Variants in SLC16A14 observed in about 807,000 individuals in gnomAD.
SLC16A14 encodes monocarboxylate transporter 14.
A neutral mutation model predicts 35.8 loss-of-function variants in SLC16A14; 14 were observed. The observed-to-expected ratio is 0.39, with a 90% CI of 0.26 to 0.61. SLC16A14 has a LOEUF of 0.61. Ranked by LOEUF, SLC16A14 falls within the 20% of genes least tolerant of loss-of-function variation. The pLI, the probability that SLC16A14 is intolerant of heterozygous loss-of-function variation, is 0.51. For synonymous variants in SLC16A14, 248 were observed against 258.9 expected (o/e 0.96, Z 0.40); for missense variants, 533 against 655.0 (o/e 0.81, Z 2.03).
At chr2:230,065,772 C>T (rs1404036169) in intron 1 of SLC16A14, among the ~76,000 whole-genome samples, 1 of 151,864 alleles carries the variant, frequency 6.6e-6, no homozygotes, top group Non-Finnish European at 1.5e-5. Flanking sequence ...TAATTATATA[C>T]ATGTATAATT....
At chr2:230,057,875 A>C (rs2077718363) in intron 2 of SLC16A14, among the ~76,000 whole-genome samples, 1 of 152,044 alleles carries the variant, frequency 6.6e-6, no homozygotes, top group African/African-American at 2.4e-5. Flanking sequence ...AAAAATACAA[A>C]AAAATTAGCC....
rs556715743 is a variant in SLC16A14 at position 230,061,586 on chromosome 2, A to G, written c.-14-2220T>C. Among the ~76,000 whole-genome samples the G allele has an allele frequency of 1.0e-3, 159 of 152,216 alleles. 1 individual carries two copies. Among genetic ancestry groups the G allele is most frequent in the African/African-American group, 3.5e-3 (144 of 41,550 alleles). On this transcript the variant is annotated intron_variant, in intron 1 of 4. Coordinates refer to ENST00000295190, the MANE Select transcript of SLC16A14 (RefSeq NM_152527.5). ...TTGTCCAGAAAAAGAACCAGATCTC[A>G]AGTCACTTCACTTGTGTCACTCTAT...
In SLC16A14 at chr2:230,043,409, G is replaced by C. The variant is rs1352187683; in HGVS notation, c.1381+2336C>G. Reference sequence around the variant, plus strand: ...TGCCAGTGGGGGGTCTTAAGGGAGAGGGTGACTTTATGACTTACAGAAAGA... The same window carrying C: ...TGCCAGTGGGGGGTCTTAAGGGAGACGGTGACTTTATGACTTACAGAAAGA... On this transcript the variant is annotated intron_variant, in intron 4 of 4. Transcript: ENST00000295190. 3.3e-5 allele frequency among the ~76,000 whole-genome samples: 5 copies of C among 152,354 alleles called. No individual in the cohort carries two copies. In the East Asian group the frequency reaches 9.6e-4, roughly 29 times the overall value.
chr2:230,062,512 C>G (rs575985723), intron 1 of SLC16A14, among the ~76,000 whole-genome samples: 46 of 152,156 alleles, frequency 3.0e-4, no homozygotes, highest in African/African-American at 1.1e-3. Flanking sequence ...CCACAACTGG[C>G]TAATTTAAAA....
intron 1 of SLC16A14, among the ~76,000 whole-genome samples, chr2:230,061,778 G>C (rs898177602): frequency 7.0e-6 from 1 of 142,988 alleles, no homozygotes; most frequent in African/African-American, 2.6e-5. Flanking sequence ...GTGTTGCTCT[G>C]TCACCCAGGC....
rs559322264 is a variant in SLC16A14, at chr2:230,058,374, T to G, written c.259+720A>C. On this transcript the variant is annotated intron_variant, in intron 2 of 4. Coordinates refer to ENST00000295190, the MANE Select transcript of SLC16A14 (RefSeq NM_152527.5). ...CCAAATGTTTAAAATATTTAAATTG[T>G]TATATCACACAAGAGACAAGAGGAC... is the stretch of plus-strand genomic sequence containing the variant. 4 of 152,288 alleles carry G rather than the reference T, an allele frequency of 2.6e-5. No homozygotes were observed. The East Asian group carries it at 7.7e-4, about 29-fold the overall frequency. The allele number at this position is 152,288 out of a possible 1,614,324, so 9.4% of individuals were successfully genotyped here.
rs145106633 is a variant in SLC16A14, at chr2:230,059,951, T to C, written c.-14-585A>G. Among the ~76,000 whole-genome samples, 107 of 152,276 alleles carry C rather than the reference T, an allele frequency of 7.0e-4. 1 individual carries two copies. The highest frequency in any genetic ancestry group is 3.4e-3 in the Middle Eastern group (1 of 294). The stretch of plus-strand genomic sequence containing the variant: ...AGGAGAGACTGATAAGTCCAATTGA[T>C]TACAATGAAAGACATAGCTTTCTAA... On this transcript the variant is annotated intron_variant, in intron 1 of 4. Transcript: ENST00000295190.
intron 2 of SLC16A14, among the ~76,000 whole-genome samples, chr2:230,053,335 A>G (rs2077677859): frequency 6.6e-6 from 1 of 152,182 alleles, no homozygotes; most frequent in African/African-American, 2.4e-5. Context: ...CTCACAATCT[A>G]AGGAGAAGGG....
At position 230,046,502 on chromosome 2, in the gene SLC16A14, G is replaced by A; in HGVS notation, c.624C>T (p.Leu208=). 6.2e-7 allele frequency: 1 copy of A among 1,614,138 alleles called. No individual in the cohort carries two copies. Among genetic ancestry groups the A allele is most frequent in the Non-Finnish European group, 8.5e-7 (1 of 1,180,016 alleles). The change falls in exon 4 of 5, where the codon CTC becomes CTT. Residue 208 remains leucine (L), a synonymous_variant. Coordinates refer to ENST00000295190, the MANE Select transcript of SLC16A14 (RefSeq NM_152527.5). The surrounding 1 kb of genome is among the most constrained non-coding windows in gnomAD (Gnocchi z 5.0). ...VSLNLCVCGA[L]MRPLSPGKNP... is the part of the protein sequence containing the mutation. The stretch of plus-strand genomic sequence containing the variant: ...TTTTACCAGGAGAGAGGGGCCTCAT[G>A]AGCGCCCCACAAACACACAGGTTTA...
intron 4 of SLC16A14, among the ~76,000 whole-genome samples, chr2:230,042,484 C>G (rs1006590662): frequency 6.6e-6 from 1 of 152,128 alleles, no homozygotes; most frequent in African/African-American, 2.4e-5. Context: ...CCATTGAAAT[C>G]TGACAGATCA....
chr2:230,037,054 A>T lies in SLC16A14; in HGVS notation c.*326T>A, dbSNP rs532385573. On this transcript the variant is annotated 3_prime_UTR_variant, in exon 5 of 5. Coordinates refer to ENST00000295190, the MANE Select transcript of SLC16A14 (RefSeq NM_152527.5). ...GCTTTTATTCCCTGTTTTTGTTTTT[A>T]AAAGCTGTATTTAAAACCCTAGTCC... 164 of 166,270 alleles carry T rather than the reference A, an allele frequency of 9.9e-4. 3 individuals are homozygous for T. The highest frequency in any genetic ancestry group is 3.6e-3 in the Admixed American group (57 of 15,726). The allele number at this position is 166,270 out of a possible 1,614,324, so 10.3% of individuals were successfully genotyped here.
chr2:230,046,644 TGGGC>T lies in SLC16A14; in HGVS notation c.478_481del (p.Ala160ArgfsTer14). 1.2e-6 allele frequency: 2 copies of T among 1,609,610 alleles called. No homozygotes were observed. Among genetic ancestry groups the T allele is most frequent in the Non-Finnish European group, 1.7e-6 (2 of 1,180,022 alleles). ...TCCGGTCCCCGTGGTGCTGAGGCCC[TGGGC>T]GAGGGCGCGTCTCTTCTGGAAATAC... is the stretch of plus-strand genomic sequence containing the variant. On this transcript the variant is annotated frameshift_variant, in exon 4 of 5. Coordinates refer to ENST00000295190, the MANE Select transcript of SLC16A14 (RefSeq NM_152527.5). LOFTEE classifies it high-confidence loss of function. The surrounding 1 kb of genome is among the most constrained non-coding windows in gnomAD (Gnocchi z 5.0).
chr2:230,043,787 A>G (rs1209126802), intron 4 of SLC16A14, among the ~76,000 whole-genome samples: 1 of 152,222 alleles, frequency 6.6e-6, no homozygotes, highest in Non-Finnish European at 1.5e-5. Context: ...CGTTATCTTC[A>G]CACAGTACCT....
At chr2:230,054,085 GT>G (rs66931882) in intron 2 of SLC16A14, among the ~76,000 whole-genome samples, 32 of 115,420 alleles carry the variant, frequency 2.8e-4, no homozygotes, top group East Asian at 1.6e-3. Flanking sequence ...GCAGCCTGAG[GT>G]GGGGGGGGAA....
Position 230,045,733 on chromosome 2 carries a change from CAG to C in SLC16A14, c.1381+10_1381+11del, listed in dbSNP as rs1014711488. On this transcript the variant is annotated intron_variant, in intron 4 of 4. Transcript: ENST00000295190. ...CATGCACTCTGAGCTCTTAAAACCT[CAG>C]AGAGTTTACCTGCAAAAGGTGGTCC... The C allele has an allele frequency of 1.2e-5, 19 of 1,614,082 alleles. No individual in the cohort carries two copies. The African/African-American group carries it at 2.3e-4, about 19-fold the overall frequency.
intron 1 of SLC16A14, among the ~76,000 whole-genome samples, chr2:230,061,122 C>T (rs1462687114): frequency 6.6e-6 from 1 of 152,214 alleles, no homozygotes; most frequent in Non-Finnish European, 1.5e-5. Flanking sequence ...CCAGGGAGCA[C>T]TCTGCCCCGG....
chr2:230,053,274 A>G (rs185287639), intron 2 of SLC16A14, among the ~76,000 whole-genome samples: 35 of 152,236 alleles, frequency 2.3e-4, no homozygotes, highest in Non-Finnish European at 3.7e-4. Context: ...CTGATGGTCC[A>G]CTAGCATTGC....
intron 1 of SLC16A14, among the ~76,000 whole-genome samples, chr2:230,060,046 G>A (rs2077738995): frequency 6.6e-6 from 1 of 152,142 alleles, no homozygotes; most frequent in South Asian, 2.1e-4. Context: ...CCCATTCCTA[G>A]TATTTACACA....
chr2:230,058,683 T>A (rs1045590505), intron 2 of SLC16A14, among the ~76,000 whole-genome samples: 1 of 152,132 alleles, frequency 6.6e-6, no homozygotes, highest in Non-Finnish European at 1.5e-5. Flanking sequence ...CTCAGGCTGG[T>A]ATGCAATGGC....
Sources: allele counts gnomAD v4.1 joint callset (sites outside exome capture counted in the v4.1 genomes callset), GRCh38; gene constraint gnomAD v4.1.1; non-coding constraint Gnocchi (gnomAD v3.1); transcripts MANE v1.5; gene names NCBI Gene and HGNC (gene_info 2026-07-23, HGNC 2026-07-21).